DAG1: variants seen among roughly 807,000 people sequenced by gnomAD.
DAG1 encodes dystroglycan 1.
Under a neutral mutation model 46.1 loss-of-function variants are expected in DAG1, and 8 were observed. That is an observed-to-expected ratio of 0.17 (90% CI 0.10 to 0.31). The LOEUF (loss-of-function observed/expected upper bound fraction) is 0.31. Among genes scored for constraint, DAG1 ranks in the 10% least tolerant of loss-of-function variants. The pLI is 1.00. For missense variants in DAG1, 1,003 were observed against 1,189.9 expected (o/e 0.84, Z 2.31); for synonymous variants, 495 against 481.8 (o/e 1.03, Z -0.36).
chr3:49,498,719 AT>A (rs879583469), intron 1 of DAG1, among the ~76,000 whole-genome samples: 398 of 144,970 alleles, frequency 2.7e-3, no homozygotes, highest in Non-Finnish European at 4.3e-3. Flanking sequence ...TTATTAATTA[AT>A]TTTTTTTTTT....
chr3:49,506,630 A>C (rs1308617969), intron 1 of DAG1, among the ~76,000 whole-genome samples: 3 of 152,094 alleles, frequency 2.0e-5, no homozygotes, highest in African/African-American at 7.2e-5. Context: ...TCAAATATTG[A>C]GCTCTCCTTG....
chr3:49,472,892 G>T (rs1193408249), intron 1 of DAG1, among the ~76,000 whole-genome samples: 1 of 152,090 alleles, frequency 6.6e-6, no homozygotes, highest in African/African-American at 2.4e-5. Context: ...TTCTGAGGCA[G>T]GTGGATTACC....
chr3:49,500,369 A>G (rs1340822906), intron 1 of DAG1, among the ~76,000 whole-genome samples: 2 of 152,130 alleles, frequency 1.3e-5, no homozygotes, highest in East Asian at 1.9e-4. Flanking sequence ...ACTGGGAGGA[A>G]GGGAGTGCCT....
At chr3:49,475,347 G>T (rs1418085805) in intron 1 of DAG1, among the ~76,000 whole-genome samples, 1 of 150,766 alleles carries the variant, frequency 6.6e-6, no homozygotes, top group Non-Finnish European at 1.5e-5. Context: ...CAAGTGATCC[G>T]CCTGCTTCGG....
In DAG1 at chr3:49,500,022, T is replaced by C. The variant is rs1314367838; in HGVS notation, c.-116-10397T>C. On this transcript the variant is annotated intron_variant, in intron 1 of 2. Transcript: ENST00000308775. ...CAGAATCTTGCTCTGTCGCCCAGTC[T>C]GGAGTGCACTGGTGTGATCTTGGCT... Among the ~76,000 whole-genome samples the C allele has an allele frequency of 4.0e-5, 6 of 151,384 alleles. No individual in the cohort carries two copies. The East Asian group carries it at 1.2e-3, about 29-fold the overall frequency.
chr3:49,487,929 C>T (rs962275983), intron 1 of DAG1, among the ~76,000 whole-genome samples: 15 of 152,036 alleles, frequency 9.9e-5, no homozygotes, highest in Admixed American at 8.5e-4. Flanking sequence ...GTCTCGATCT[C>T]CTGACCTCGT....
At chr3:49,522,423 C>T (rs1431617898) in intron 2 of DAG1, among the ~76,000 whole-genome samples, 3 of 151,978 alleles carry the variant, frequency 2.0e-5, no homozygotes, top group Admixed American at 6.6e-5. Context: ...CTTCGGCTCC[C>T]GAAGTGCTGC....
At chr3:49,522,113 T>G (rs1262967470) in intron 2 of DAG1, among the ~76,000 whole-genome samples, 3 of 152,046 alleles carry the variant, frequency 2.0e-5, no homozygotes, top group African/African-American at 7.2e-5. Context: ...CACTGCAACT[T>G]CCGCCTCCCG....
chr3:49,491,277 T>C (rs934569133), intron 1 of DAG1, among the ~76,000 whole-genome samples: 2 of 151,022 alleles, frequency 1.3e-5, no homozygotes, highest in African/African-American at 4.9e-5. Flanking sequence ...CCCGAAATGC[T>C]GGGATTACAG....
At chr3:49,469,346 A>G (rs1178758780), upstream of DAG1, among the ~76,000 whole-genome samples, 1 of 152,180 alleles carries the variant, frequency 6.6e-6, no homozygotes, top group Non-Finnish European at 1.5e-5. Context: ...CCATCCGGTA[A>G]CTGTCAGTTT....
At chr3:49,495,155 G>A (rs1339734269) in intron 1 of DAG1, among the ~76,000 whole-genome samples, 1 of 152,164 alleles carries the variant, frequency 6.6e-6, no homozygotes, top group East Asian at 1.9e-4. Flanking sequence ...AGCCCCCACA[G>A]GGTAGCCCCA....
At position 49,533,330 on chromosome 3, in the gene DAG1, A is replaced by G. The variant is rs763043395; in HGVS notation, c.*131A>G. The G allele has an allele frequency of 1.0e-4, 144 of 1,391,022 alleles. No individual in the cohort carries two copies. Among genetic ancestry groups the G allele is most frequent in the Non-Finnish European group, 1.3e-4 (131 of 1,013,322 alleles). 86.2% of individuals were successfully genotyped at this position (1,391,022 alleles called of 1,614,324 possible). On this transcript the variant is annotated 3_prime_UTR_variant, in exon 3 of 3. Transcript: ENST00000308775. ...CACCTGACCTAGCACACACTGACAC[A>G]GGGGCCTGGACAAGCCCGCCCTCTC... is the stretch of plus-strand genomic sequence containing the variant.
At position 49,530,833 on chromosome 3, in the gene DAG1, C is replaced by T; in HGVS notation, c.322C>T (p.Leu108=). The T allele has an allele frequency of 1.2e-6, 2 of 1,614,210 alleles. No individual in the cohort carries two copies. Among genetic ancestry groups the T allele is most frequent in the Non-Finnish European group, 1.7e-6 (2 of 1,180,028 alleles). ...AAGKEALPSW[L]HWDSQSHTLE... ...AGGGAAGGAGGCTTTGCCATCTTGG[C>T]TGCACTGGGACTCACAGAGCCACAC... Residue 108 remains leucine (L), a synonymous_variant, in exon 3 of 3, where the codon CTG becomes TTG. Coordinates refer to ENST00000308775, the MANE Select transcript of DAG1 (RefSeq NM_004393.6).
At chr3:49,501,642 T>C (rs1001439364) in intron 1 of DAG1, among the ~76,000 whole-genome samples, 6 of 152,030 alleles carry the variant, frequency 3.9e-5, no homozygotes, top group Admixed American at 3.9e-4. Context: ...CGAAACTCTG[T>C]CTCCACTAAA....
intron 2 of DAG1, among the ~76,000 whole-genome samples, chr3:49,526,782 A>AATTT: frequency 6.6e-6 from 1 of 152,188 alleles, no homozygotes; most frequent in Admixed American, 6.5e-5. Flanking sequence ...AGTCAAAATA[A>AATTT]AGCTCATTTC....
intron 1 of DAG1, among the ~76,000 whole-genome samples, chr3:49,501,788 C>G (rs536469241): frequency 7.0e-6 from 1 of 142,206 alleles, no homozygotes; most frequent in Admixed American, 7.6e-5. Context: ...TACTCCAGCC[C>G]GGGTGACAGA....
Position 49,532,950 on chromosome 3 carries a change from C to A in DAG1, c.2439C>A (p.Ser813=). 1 of 1,614,128 alleles carries A rather than the reference C, an allele frequency of 6.2e-7. No individual in the cohort carries two copies. Among genetic ancestry groups the A allele is most frequent in the Admixed American group, 1.7e-5 (1 of 60,028 alleles). The change falls in exon 3 of 3, where the codon TCC becomes TCA. Residue 813 remains serine (S), a synonymous_variant. Coordinates refer to ENST00000308775, the MANE Select transcript of DAG1 (RefSeq NM_004393.6). This position sits in a 1 kb window ranked among gnomAD's most constrained non-coding sequence, Gnocchi z 5.4. ...ACGACTCCAAGCCCCCACCCTCCTC[C>A]AGCATGCCACTCATTCTGCAGGAGG... ...ELDDSKPPPS[S]SMPLILQEEK...
In DAG1 at chr3:49,534,713, CAG is replaced by C. The variant is rs1321015529; in HGVS notation, c.*1515_*1516del. 3.3e-5 allele frequency: 5 copies of C among 152,624 alleles called. No individual in the cohort carries two copies. Among genetic ancestry groups the C allele is most frequent in the African/African-American group, 4.8e-5 (2 of 41,422 alleles). The allele number at this position is 152,624 out of a possible 1,614,324, so 9.5% of individuals were successfully genotyped here. A position where few individuals can be genotyped will look rare whatever the true frequency, so the allele number is the denominator to read the frequency against. ...CCATCTGCATCTCTGTCCCATGACT[CAG>C]GGGCGCCCACTCTGCTTCGATTCTC... is the stretch of plus-strand genomic sequence containing the variant. On this transcript the variant is annotated 3_prime_UTR_variant, in exon 3 of 3. Transcript: ENST00000308775.
intron 1 of DAG1, among the ~76,000 whole-genome samples, chr3:49,505,662 C>T (rs2050585891): frequency 6.6e-6 from 1 of 151,854 alleles, no homozygotes; most frequent in East Asian, 1.9e-4. Context: ...TTTTCTTTTC[C>T]AATCTGTATG....
Sources: allele counts gnomAD v4.1 joint callset (sites outside exome capture counted in the v4.1 genomes callset), GRCh38; gene constraint gnomAD v4.1.1; non-coding constraint Gnocchi (gnomAD v3.1); transcripts MANE v1.5; gene names NCBI Gene and HGNC (gene_info 2026-07-23, HGNC 2026-07-21).